AKAP13: variants seen among roughly 807,000 people sequenced by gnomAD.
The protein encoded by AKAP13 is A-kinase anchoring protein 13.
A neutral mutation model predicts 264.5 loss-of-function variants in AKAP13; 80 were observed. That is an observed-to-expected ratio of 0.30 (90% confidence interval 0.25 to 0.36). The LOEUF (loss-of-function observed/expected upper bound fraction) is 0.36. Ranked by LOEUF, AKAP13 falls within the 10% of genes least tolerant of loss-of-function variation. The probability of loss-of-function intolerance (pLI) is 1.00; values close to 1 mark genes in which losing one functional copy is unlikely to be tolerated. For missense variants in AKAP13, 3,712 were observed against 3,435.2 expected, an observed-to-expected ratio of 1.08 and a Z score of -2.01; for synonymous variants, 1,380 against 1,250.2, an observed-to-expected ratio of 1.10 and a Z score of -2.19.
intron 9 of AKAP13, among the ~76,000 whole-genome samples, chr15:85,641,443 C>T (rs2082304090): frequency 8.1e-6 from 1 of 123,994 alleles, no homozygotes; most frequent in Admixed American, 8.9e-5. Flanking sequence ...AAGACTCCAT[C>T]TCAAATAAAT....
intron 25 of AKAP13, 29 bp downstream of exon 25, chr15:85,722,376 A>T: frequency 1.3e-6 from 2 of 1,574,356 alleles, no homozygotes; most frequent in South Asian, 2.3e-5. Context: ...TCGGTCTTGT[A>T]TGGTCATGGA....
In AKAP13 at chr15:85,585,041, T is replaced by C. The variant is rs915178147; in HGVS notation, c.4040-661T>C. Among the ~76,000 whole-genome samples, 9 of 152,360 alleles carry C rather than the reference T, an allele frequency of 5.9e-5. No homozygotes were observed. In the East Asian group the frequency reaches 1.3e-3, roughly 23 times the overall value. On this transcript the variant is annotated intron_variant, in intron 7 of 36. Coordinates refer to ENST00000394518, the MANE Select transcript of AKAP13 (RefSeq NM_007200.5). ...CACCACTGTTTTTGGTCTGTCAACA[T>C]GGCCAGCAAGAGGACAACTATGTAA... is the stretch of plus-strand genomic sequence containing the variant.
At chr15:85,609,420 C>T (rs1409400831) in intron 8 of AKAP13, among the ~76,000 whole-genome samples, 1 of 152,224 alleles carries the variant, frequency 6.6e-6, no homozygotes, top group Non-Finnish European at 1.5e-5. Context: ...CCTCTAGGCT[C>T]ATCCATCTTG....
At chr15:85,562,871 G>GTTTTTTTTT (rs71141408) in intron 5 of AKAP13, among the ~76,000 whole-genome samples, 1 of 133,910 alleles carries the variant, frequency 7.5e-6, no homozygotes, top group African/African-American at 2.8e-5. Flanking sequence ...GGTTTTTTTT[G>GTTTTTTTTT]TTTTTTTTTT....
chr15:85,612,917 G>A (rs1158427853), intron 8 of AKAP13, among the ~76,000 whole-genome samples: 1 of 151,882 alleles, frequency 6.6e-6, no homozygotes, highest in Non-Finnish European at 1.5e-5. Context: ...ATTATTTATA[G>A]TAATTTTACT....
chr15:85,723,991 T>G (rs1351396700), intron 26 of AKAP13, among the ~76,000 whole-genome samples: 3 of 152,342 alleles, frequency 2.0e-5, no homozygotes, highest in Middle Eastern at 3.4e-3. Context: ...ATTTGATTTT[T>G]TTTGTTTGTT....
intron 8 of AKAP13, among the ~76,000 whole-genome samples, chr15:85,600,655 A>G (rs59878201): frequency 0.019 from 2,853 of 152,348 alleles, 93 homozygotes; most frequent in African/African-American, 0.065. Context: ...GATTTAACAA[A>G]TGCATGACAT....
At chr15:85,533,926 T>C in intron 4 of AKAP13, 46 bp downstream of exon 4, 1 of 1,507,816 alleles carries the variant, frequency 6.6e-7, no homozygotes, top group African/African-American at 1.4e-5. Flanking sequence ...TTTGTGATAT[T>C]TCTACTTTTT....
At chr15:85,492,242 C>T (rs1281043657) in intron 2 of AKAP13, among the ~76,000 whole-genome samples, 2 of 152,180 alleles carry the variant, frequency 1.3e-5, no homozygotes, top group Non-Finnish European at 2.9e-5. Flanking sequence ...CAAGGCCAAG[C>T]ACAGTGGCTC....
chr15:85,422,264 G>T (rs2072559346), intron 1 of AKAP13, among the ~76,000 whole-genome samples: 1 of 152,154 alleles, frequency 6.6e-6, no homozygotes, highest in Non-Finnish European at 1.5e-5. Context: ...GTGCATTAGA[G>T]AGCAGAGAGG....
At chr15:85,513,429 T>C (rs1390108040) in intron 2 of AKAP13, among the ~76,000 whole-genome samples, 1 of 152,118 alleles carries the variant, frequency 6.6e-6, no homozygotes, top group Non-Finnish European at 1.5e-5. Flanking sequence ...TTCCAAAATA[T>C]TAAAAATATT....
chr15:85,655,440 T>C lies in AKAP13; in HGVS notation c.4398T>C (p.Cys1466=), dbSNP rs1421272022. 1 of 1,614,022 alleles carries C rather than the reference T, an allele frequency of 6.2e-7. No homozygotes were observed. Among genetic ancestry groups the C allele is most frequent in the Non-Finnish European group, 8.5e-7 (1 of 1,179,892 alleles). ...FPKPEEEHLA[C]DITGSSSSTD... ...AGCCAGAGGAAGAGCATTTGGCCTG[T>C]GATATCACCGGATCCAGTTCATCCA... The change falls in exon 11 of 37, where the codon TGT becomes TGC. Residue 1466 remains cysteine, a synonymous_variant. Transcript: ENST00000394518.
intron 1 of AKAP13, among the ~76,000 whole-genome samples, chr15:85,482,010 G>A (rs960423167): frequency 6.6e-6 from 1 of 152,204 alleles, no homozygotes; most frequent in African/African-American, 2.4e-5. Context: ...AGTAGGTTTA[G>A]TTTTTAAGTG....
chr15:85,610,992 C>A (rs1354964093), intron 8 of AKAP13, among the ~76,000 whole-genome samples: 1 of 152,036 alleles, frequency 6.6e-6, no homozygotes, highest in African/African-American at 2.4e-5. Flanking sequence ...CACTCCCCTC[C>A]CCCAAAAAAC....
Position 85,549,788 on chromosome 15 carries a change from CTATATGTTTT to C in AKAP13, c.662+5835_662+5844del, listed in dbSNP as rs575649769. On this transcript the variant is annotated intron_variant, in intron 5 of 36. Coordinates refer to ENST00000394518, the MANE Select transcript of AKAP13 (RefSeq NM_007200.5). ...TGTAAAGGGTTATATGGTTTCTAGTCTATATGTTTTTTGAGGAAAACAAGGTTCTTACTAT... is the reference window on the plus strand; with the variant it reads ...TGTAAAGGGTTATATGGTTTCTAGTCTTGAGGAAAACAAGGTTCTTACTAT... 3.4e-3 allele frequency among the ~76,000 whole-genome samples: 515 copies of C among 152,252 alleles called. 1 individual carries two copies. The highest frequency in any genetic ancestry group is 0.012 in the African/African-American group (493 of 41,522).
Position 85,594,851 on chromosome 15 carries a change from G to A in AKAP13, c.4161+9028G>A, listed in dbSNP as rs182085104. Among the ~76,000 whole-genome samples, 119 of 152,220 alleles carry A rather than the reference G, an allele frequency of 7.8e-4. 1 individual carries two copies. Among genetic ancestry groups the A allele is most frequent in the Non-Finnish European group, 1.4e-3 (95 of 68,008 alleles). On this transcript the variant is annotated intron_variant, in intron 8 of 36. Transcript: ENST00000394518. ...TTTAACAAGAGTCTAGTGATATGTC[G>A]CTAGTTGACCACCAGAAGAGTAAAT...
At chr15:85,542,715 T>C (rs1160141869) in intron 4 of AKAP13, among the ~76,000 whole-genome samples, 1 of 152,188 alleles carries the variant, frequency 6.6e-6, no homozygotes. Context: ...TCATCCTAGG[T>C]TGGGCACTGA....
intron 1 of AKAP13, among the ~76,000 whole-genome samples, chr15:85,442,521 A>C (rs1338375105): frequency 8.8e-6 from 1 of 113,456 alleles, no homozygotes; most frequent in Non-Finnish European, 1.8e-5. Flanking sequence ...AATATATATT[A>C]TATTATATAT....
At chr15:85,485,124 AAATCTT>A (rs2151056452) in intron 1 of AKAP13, among the ~76,000 whole-genome samples, 1 of 152,332 alleles carries the variant, frequency 6.6e-6, no homozygotes, top group Admixed American at 6.5e-5. Context: ...AGCCTTCTCT[AAATCTT>A]AATGAGATTT....
Sources: allele counts gnomAD v4.1 joint callset (sites outside exome capture counted in the v4.1 genomes callset), GRCh38; gene constraint gnomAD v4.1.1; transcripts MANE v1.5; gene names NCBI Gene and HGNC (gene_info 2026-07-23, HGNC 2026-07-21).